HAUS8: variants seen among roughly 807,000 people sequenced by gnomAD.
HAUS8 encodes HAUS augmin like complex subunit 8.
A neutral mutation model predicts 42.9 loss-of-function variants in HAUS8; 38 were observed. That is an observed-to-expected ratio of 0.89 (90% confidence interval 0.68 to 1.16). The LOEUF is 1.16. Ranked by LOEUF, HAUS8 falls within the 50% of genes most tolerant of loss-of-function variation. HAUS8 has a pLI of 0.00. For synonymous variants in HAUS8, 199 were observed against 205.8 expected, an observed-to-expected ratio of 0.97 and a Z score of 0.28; for missense variants, 494 against 511.6, an observed-to-expected ratio of 0.97 and a Z score of 0.33.
intron 9 of HAUS8, among the ~76,000 whole-genome samples, chr19:17,054,550 C>T (rs7246697): frequency 0.44 from 66,686 of 151,582 alleles, 14,924 homozygotes; most frequent in South Asian, 0.58. Flanking sequence ...GCCTGTAATC[C>T]CAGCACTTTG....
At chr19:17,056,574 GAC>G (rs372736566) in intron 8 of HAUS8, among the ~76,000 whole-genome samples, 35 of 150,396 alleles carry the variant, frequency 2.3e-4, no homozygotes, top group East Asian at 9.8e-4. Context: ...CACACATACA[GAC>G]ACACACACAC....
intron 9 of HAUS8, among the ~76,000 whole-genome samples, chr19:17,055,437 G>A (rs2057319700): frequency 6.7e-6 from 1 of 149,994 alleles, no homozygotes; most frequent in African/African-American, 2.5e-5. Context: ...AAGGTGCAAC[G>A]CGGCAGTTTT....
intron 9 of HAUS8, among the ~76,000 whole-genome samples, chr19:17,053,898 C>G (rs941144946): frequency 6.6e-6 from 1 of 151,978 alleles, no homozygotes; most frequent in Non-Finnish European, 1.5e-5. Flanking sequence ...CTACTGACCT[C>G]GTGATCCACC....
At chr19:17,072,408 T>C (rs187551661) in intron 2 of HAUS8, among the ~76,000 whole-genome samples, 183 of 142,302 alleles carry the variant, frequency 1.3e-3, no homozygotes, top group African/African-American at 4.7e-3. Context: ...AGTGGCGCGA[T>C]CTCGGCTCAC....
intron 1 of HAUS8, chr19:17,074,381 TG>T (rs1466535281): frequency 6.6e-6 from 1 of 152,440 alleles, no homozygotes; most frequent in East Asian, 1.9e-4. Flanking sequence ...CAGGCCACCG[TG>T]GGGAGAGGCA....
At chr19:17,059,484 T>C (rs1414848252) in intron 6 of HAUS8, 73 bp downstream of exon 6, 16 of 1,047,040 alleles carry the variant, frequency 1.5e-5, no homozygotes, top group Non-Finnish European at 2.3e-5. Context: ...GCACTCAGCA[T>C]CTGGTTCAGA....
chr19:17,072,486 G>A (rs1002901916), intron 2 of HAUS8, among the ~76,000 whole-genome samples: 1 of 151,814 alleles, frequency 6.6e-6, no homozygotes, highest in Non-Finnish European at 1.5e-5. Flanking sequence ...GGGATTACAG[G>A]CACCTACCAC....
intron 2 of HAUS8, among the ~76,000 whole-genome samples, chr19:17,071,840 T>C (rs1403006663): frequency 1.3e-5 from 2 of 151,746 alleles, no homozygotes; most frequent in African/African-American, 4.8e-5. Flanking sequence ...CTACTAAAAA[T>C]ACAAAAATGA....
At chr19:17,053,217 G>A (rs900893781) in intron 9 of HAUS8, 21 of 531,594 alleles carry the variant, frequency 4.0e-5, no homozygotes, top group Middle Eastern at 1.0e-3. Context: ...TCACTCTGGT[G>A]TCCTCAACAG....
At chr19:17,065,985 A>G (rs75202911) in intron 3 of HAUS8, among the ~76,000 whole-genome samples, 21 of 151,076 alleles carry the variant, frequency 1.4e-4, no homozygotes, top group African/African-American at 3.9e-4. Flanking sequence ...AAAAAAAAAA[A>G]AGAGACAGGA....
In HAUS8 at chr19:17,058,551, G is replaced by C; in HGVS notation, c.643C>G (p.Gln215Glu). 1 of 1,595,028 alleles carries C rather than the reference G, an allele frequency of 6.3e-7. No individual in the cohort carries two copies. The highest frequency in any genetic ancestry group is 8.5e-7 in the Non-Finnish European group (1 of 1,172,882). Reference protein sequence around the residue: ...KRELADVLDAQIEMLSPFEAV... With the variant: ...KRELADVLDAEIEMLSPFEAV... ...ACAGAGTGTCACTTACAACTGACCT[G>C]GGCATCCAGGACATCTGCCAGCTCC... Residue 215 changes from glutamine to glutamate, a missense_variant and splice_region_variant, in exon 8 of 11, where the codon CAG becomes GAG. By Grantham distance (29) the Gln-to-Glu change is conservative. Transcript: ENST00000253669.
chr19:17,059,396 C>T (rs1378443804), intron 6 of HAUS8, among the ~76,000 whole-genome samples, 161 bp downstream of exon 6: 1 of 152,186 alleles, frequency 6.6e-6, no homozygotes, highest in Non-Finnish European at 1.5e-5. Flanking sequence ...GTAAACTCTA[C>T]AAATGATCTA....
At chr19:17,073,206 T>C (rs184400942) in intron 2 of HAUS8, 68 bp downstream of exon 2, 8 of 1,418,836 alleles carry the variant, frequency 5.6e-6, no homozygotes, top group South Asian at 4.6e-5. Context: ...CCTGTTTTTT[T>C]CTTCCTCCAA....
Position 17,053,114 on chromosome 19 carries a change from G to T in HAUS8, c.788-148C>A, listed in dbSNP as rs551673861. The T allele has an allele frequency of 4.7e-6, 4 of 858,352 alleles. No individual in the cohort carries two copies. The South Asian group carries it at 6.6e-5, about 14-fold the overall frequency. 53.2% of individuals were successfully genotyped at this position (858,352 alleles called of 1,614,324 possible). The stretch of plus-strand genomic sequence containing the variant: ...CGCACAGGGAAGAAGCAGAAGCCAA[G>T]GAAGACATTCGTCCCTTATCCATCC... On this transcript the variant is annotated intron_variant, in intron 9 of 10. Coordinates refer to ENST00000253669, the MANE Select transcript of HAUS8 (RefSeq NM_033417.2).
intron 3 of HAUS8, among the ~76,000 whole-genome samples, chr19:17,063,680 G>A (rs1033957215): frequency 5.3e-5 from 8 of 152,200 alleles, no homozygotes; most frequent in Admixed American, 1.3e-4. Context: ...CCTCCCCAGT[G>A]TGTATGGGCA....
chr19:17,071,894 G>C (rs1224275968), intron 2 of HAUS8, among the ~76,000 whole-genome samples: 1 of 152,058 alleles, frequency 6.6e-6, no homozygotes, highest in African/African-American at 2.4e-5. Flanking sequence ...GGCTGAGGCA[G>C]AGAATCGCTT....
In HAUS8 at chr19:17,055,851, C is replaced by G; in HGVS notation, c.787+10G>C. On this transcript the variant is annotated intron_variant, in intron 9 of 10. Transcript: ENST00000253669. ...CTGCTGCACACGCACTGGGACGCCC[C>G]GTTTCCTACCTAAGAGCTGCTGCCC... The G allele has an allele frequency of 6.2e-7, 1 of 1,611,878 alleles. No individual in the cohort carries two copies. Among genetic ancestry groups the G allele is most frequent in the East Asian group, 2.2e-5 (1 of 44,822 alleles).
At chr19:17,053,990 A>T (rs2057304548) in intron 9 of HAUS8, among the ~76,000 whole-genome samples, 1 of 152,084 alleles carries the variant, frequency 6.6e-6, no homozygotes. Flanking sequence ...ATAACGAGAC[A>T]GCCAGGGAGG....
chr19:17,073,800 C>T (rs949755526), intron 1 of HAUS8: 2 of 177,100 alleles, frequency 1.1e-5, no homozygotes, highest in African/African-American at 2.4e-5. Flanking sequence ...GTCAGGAGAT[C>T]GAGACCATCC....
Sources: gnomAD v4.1 joint callset for allele counts (sites outside exome capture counted in the v4.1 genomes callset) on GRCh38, gnomAD v4.1.1 for gene constraint, MANE v1.5 for transcripts, NCBI Gene and HGNC (gene_info 2026-07-23, HGNC 2026-07-21) for gene names.